OC90: variants seen among roughly 807,000 people sequenced by gnomAD.
The protein encoded by OC90 is otoconin 90.
In OC90, 46 loss-of-function variants were observed where a neutral mutation model predicts 47.3. The ratio of observed to expected loss-of-function variants is 0.97; its 90% CI spans 0.77 to 1.24. The LOEUF is 1.24. Ranked by LOEUF, OC90 falls within the 50% of genes most tolerant of loss-of-function variation. The pLI is 0.00. For synonymous variants in OC90, 271 were observed against 219.5 expected, an observed-to-expected ratio of 1.23 and a Z score of -2.07; for missense variants, 688 against 583.9, an observed-to-expected ratio of 1.18 and a Z score of -1.84.
rs113444046 is a variant in OC90 at position 132,026,782 on chromosome 8, C to T, written c.1139-2006G>A. Among the ~76,000 whole-genome samples the T allele has an allele frequency of 2.8e-3, 431 of 152,250 alleles. 4 individuals carry two copies. The highest frequency in any genetic ancestry group is 9.6e-3 in the African/African-American group (400 of 41,538). On this transcript the variant is annotated intron_variant, in intron 13 of 13. Transcript: ENST00000254627. ...ATTGCATCATGTGACAACTCATGGG[C>T]TCTAAACCCTCCCCTGGCTCCTCAT...
At chr8:132,033,501 T>G (rs1822907834) in intron 10 of OC90, among the ~76,000 whole-genome samples, 1 of 152,070 alleles carries the variant, frequency 6.6e-6, no homozygotes, top group Non-Finnish European at 1.5e-5. Flanking sequence ...TCACAGCAAG[T>G]GAAGAGGTAA....
chr8:132,035,027 C>G (rs1053046950), intron 9 of OC90, among the ~76,000 whole-genome samples, 193 bp from the exon 10 acceptor site: 4 of 152,210 alleles, frequency 2.6e-5, no homozygotes, highest in Non-Finnish European at 4.4e-5. Flanking sequence ...AGGGAACCCC[C>G]CAGAAAAACG....
intron 4 of OC90, among the ~76,000 whole-genome samples, chr8:132,043,710 C>CAGAA: frequency 6.6e-6 from 1 of 152,322 alleles, no homozygotes; most frequent in East Asian, 1.9e-4. Context: ...AAAATAAAGA[C>CAGAA]AGAATTCTAT....
intron 2 of OC90, among the ~76,000 whole-genome samples, chr8:132,050,870 T>C (rs1196485450): frequency 6.6e-6 from 1 of 152,054 alleles, no homozygotes; most frequent in African/African-American, 2.4e-5. Flanking sequence ...AGTGGTGGCA[T>C]GTAATCCCAG....
At chr8:132,048,279 A>G (rs1823162100) in intron 2 of OC90, among the ~76,000 whole-genome samples, 1 of 152,244 alleles carries the variant, frequency 6.6e-6, no homozygotes, top group Admixed American at 6.5e-5. Context: ...ATTGTTTTAA[A>G]TAAGCCACCT....
intron 2 of OC90, 95 bp downstream of exon 2, chr8:132,054,886 G>T (rs1044760829): frequency 4.2e-6 from 3 of 718,500 alleles, no homozygotes; most frequent in African/African-American, 3.6e-5. Context: ...AGACACGTGG[G>T]AAAGATGGTG....
At chr8:132,053,158 G>A (rs1042310369) in intron 2 of OC90, among the ~76,000 whole-genome samples, 1 of 151,984 alleles carries the variant, frequency 6.6e-6, no homozygotes, top group Admixed American at 6.6e-5. Flanking sequence ...AAGGATCCCT[G>A]CCTGACCCCC....
chr8:132,045,833 G>A lies in OC90; in HGVS notation c.97C>T (p.Leu33Phe), dbSNP rs187535778. 5.8e-6 allele frequency: 9 copies of A among 1,542,078 alleles called. No individual in the cohort carries two copies. The Admixed American group carries it at 1.8e-4, about 30-fold the overall frequency. Reference sequence around the variant, plus strand: ...GAATCCTTACTGATATTGTTTGGGAGTCCTGGAGGCAGCTCCTGTGGAAGA... The same window carrying A: ...GAATCCTTACTGATATTGTTTGGGAATCCTGGAGGCAGCTCCTGTGGAAGA... The part of the protein sequence containing the change: ...PHLPQELPPG[L>F]PNNINITFFS... The change falls in exon 3 of 14, where the codon CTC (leucine) becomes TTC (phenylalanine). Residue 33 changes from leucine to phenylalanine, a missense_variant. Coordinates refer to ENST00000254627, the MANE Select transcript of OC90 (RefSeq NM_001080399.3).
chr8:132,031,618 C>T (rs762874657), intron 12 of OC90, among the ~76,000 whole-genome samples: 73 of 152,158 alleles, frequency 4.8e-4, no homozygotes, highest in Non-Finnish European at 7.9e-4. Flanking sequence ...GGGCTCTAGG[C>T]CCCCAGATCA....
chr8:132,041,332 T>A (rs1419756432), intron 5 of OC90, among the ~76,000 whole-genome samples, 176 bp from the exon 6 acceptor site: 1 of 152,194 alleles, frequency 6.6e-6, no homozygotes, highest in Non-Finnish European at 1.5e-5. Context: ...TAATAACTTT[T>A]TAGAGTGAGA....
intron 4 of OC90, 107 bp from the exon 5 acceptor site, chr8:132,041,806 C>G: frequency 1.6e-6 from 1 of 619,228 alleles, no homozygotes; most frequent in Non-Finnish European, 2.8e-6. Context: ...CCTTATCAAC[C>G]TAGTAAGCAC....
intron 9 of OC90, chr8:132,036,485 CAG>C (rs1822965575): frequency 1.3e-6 from 1 of 776,510 alleles, no homozygotes; most frequent in Non-Finnish European, 2.4e-6. Flanking sequence ...ACAGGGGAAA[CAG>C]ATTTGGGGGC....
intron 13 of OC90, among the ~76,000 whole-genome samples, chr8:132,025,559 A>C (rs1223555691): frequency 6.6e-6 from 1 of 152,162 alleles, no homozygotes; most frequent in Non-Finnish European, 1.5e-5. Context: ...GCATGCAGTG[A>C]TTAGCTAACA....
chr8:132,058,389 C>T (rs959413488), intron 1 of OC90, among the ~76,000 whole-genome samples: 1 of 152,146 alleles, frequency 6.6e-6, no homozygotes, highest in East Asian at 1.9e-4. Flanking sequence ...TCAGTGCTGT[C>T]CTTGTGGGCC....
intron 6 of OC90, 58 bp downstream of exon 6, chr8:132,040,985 TG>T: frequency 9.7e-7 from 1 of 1,028,592 alleles, no homozygotes; most frequent in Non-Finnish European, 1.5e-6. Flanking sequence ...GGTCCAGGCT[TG>T]GGATCCCTGG....
chr8:132,024,650 G>A lies in OC90; in HGVS notation c.1265C>T (p.Pro422Leu), dbSNP rs770673986. 5.0e-6 allele frequency: 8 copies of A among 1,613,134 alleles called. No individual in the cohort carries two copies. The East Asian group carries it at 1.8e-4, about 36-fold the overall frequency. ...GTGCAGGCTGTCTTCACAGGCTGCT[G>A]GCTGCCCAGGGCACCCGAGTCTGCT... ...SPSRLGCPGQ[P>L]AACEDSLHPV... The change falls in exon 14 of 14, where the codon CCA becomes CTA. Residue 422 changes from proline (P) to leucine (L), a missense_variant. Coordinates refer to ENST00000254627, the MANE Select transcript of OC90 (RefSeq NM_001080399.3).
chr8:132,031,996 G>A lies in OC90; in HGVS notation c.916C>T (p.Pro306Ser). 1 of 1,613,922 alleles carries A rather than the reference G, an allele frequency of 6.2e-7. No individual in the cohort carries two copies. Among genetic ancestry groups the A allele is most frequent in the Non-Finnish European group, 8.5e-7 (1 of 1,179,800 alleles). ...LGSGDNMQVM[P>S]QLGEMLFCLT... ...CAAAAGAGCATCTCTCCAAGCTGTG[G>A]CATCACCTGCATGTTGTCCCCACTT... Residue 306 changes from proline to serine, a missense_variant, in exon 12 of 14, where the codon CCA becomes TCA. Pro to Ser is a moderately conservative substitution (Grantham distance 74, BLOSUM62 -1). Transcript: ENST00000254627.
At chr8:132,030,311 A>G (rs527291424) in intron 12 of OC90, among the ~76,000 whole-genome samples, 1 of 152,222 alleles carries the variant, frequency 6.6e-6, no homozygotes, top group East Asian at 1.9e-4. Context: ...TAAAAAAATT[A>G]TATCAGTTTG....
intron 13 of OC90, among the ~76,000 whole-genome samples, chr8:132,027,950 C>T (rs1392056683): frequency 1.3e-5 from 2 of 152,198 alleles, no homozygotes; most frequent in East Asian, 3.8e-4. Flanking sequence ...AATCTCAGTT[C>T]TCCCACTTAT....
Sources: allele counts gnomAD v4.1 joint callset (sites outside exome capture counted in the v4.1 genomes callset), GRCh38; gene constraint gnomAD v4.1.1; transcripts MANE v1.5; gene names NCBI Gene and HGNC (gene_info 2026-07-23, HGNC 2026-07-21).